The following TDRD12 variants were observed in gnomAD, a reference collection of about 807,000 sequenced individuals.
TDRD12 encodes the protein tudor domain containing 12, also known as putative ATP-dependent RNA helicase TDRD12.
Under a neutral mutation model 133.5 loss-of-function variants are expected in TDRD12, and 158 were observed. The observed-to-expected ratio is 1.18, with a 90% CI of 1.04 to 1.35. TDRD12 has a LOEUF of 1.35. Among genes scored for constraint, TDRD12 ranks in the 40% most tolerant of loss-of-function variants. The pLI is 0.00. For missense variants in TDRD12, 1,443 were observed against 1,321.3 expected (o/e 1.09, Z -1.43); for synonymous variants, 460 against 477.9 (o/e 0.96, Z 0.49).
intron 10 of TDRD12, among the ~76,000 whole-genome samples, chr19:32,776,910 C>T (rs779130564): frequency 8.5e-5 from 13 of 152,066 alleles, no homozygotes; most frequent in Non-Finnish European, 1.6e-4. Context: ...TTTTAAGAGA[C>T]AGGGTCTTGC....
chr19:32,782,335 A>G (rs1369275898), intron 11 of TDRD12, among the ~76,000 whole-genome samples: 1 of 152,148 alleles, frequency 6.6e-6, no homozygotes, highest in Non-Finnish European at 1.5e-5. Context: ...CATGGTGTAT[A>G]TGTGCCACAT....
At chr19:32,807,981 T>G (rs1966884260) in intron 22 of TDRD12, among the ~76,000 whole-genome samples, 1 of 152,188 alleles carries the variant, frequency 6.6e-6, no homozygotes, top group Non-Finnish European at 1.5e-5. Flanking sequence ...CTCATCATTT[T>G]GGGAGACTGA....
chr19:32,807,455 A>C lies in TDRD12; in HGVS notation c.2553-94A>C, dbSNP rs957312927. 1.9e-5 allele frequency: 15 copies of C among 798,616 alleles called. No individual in the cohort carries two copies. The African/African-American group carries it at 2.4e-4, about 13-fold the overall frequency. 49.5% of individuals were successfully genotyped at this position (798,616 alleles called of 1,614,324 possible). A position where few individuals can be genotyped will look rare whatever the true frequency, so the allele number is the denominator to read the frequency against. ...GGGTGTTTGGAATAAAAGTTATCTGATTTAGGTTGCAGATTAATTTTCTGA... is the reference window on the plus strand; with the variant it reads ...GGGTGTTTGGAATAAAAGTTATCTGCTTTAGGTTGCAGATTAATTTTCTGA... On this transcript the variant is annotated intron_variant, in intron 21 of 27. Coordinates refer to ENST00000444215, the Ensembl canonical transcript of TDRD12.
intron 1 of TDRD12, among the ~76,000 whole-genome samples, chr19:32,730,487 G>T (rs1270407797): frequency 1.3e-5 from 2 of 151,962 alleles, no homozygotes; most frequent in East Asian, 1.9e-4. Flanking sequence ...TTTTTCCAGG[G>T]TTTATTATTG....
At chr19:32,812,514 A>C (rs182128045) in intron 24 of TDRD12, among the ~76,000 whole-genome samples, 1 of 152,290 alleles carries the variant, frequency 6.6e-6, no homozygotes, top group Non-Finnish European at 1.5e-5. Context: ...ACACAACCTT[A>C]CTCTTCTAAG....
chr19:32,749,678 G>A, intron 5 of TDRD12, 106 bp from the exon 6 acceptor site: 1 of 788,570 alleles, frequency 1.3e-6, no homozygotes, highest in East Asian at 2.8e-5. Context: ...AAGACATTTG[G>A]GCACTCTTAA....
At chr19:32,744,790 C>T (rs1325335792) in intron 4 of TDRD12, among the ~76,000 whole-genome samples, 1 of 152,120 alleles carries the variant, frequency 6.6e-6, no homozygotes. Context: ...CGGTGCTCCT[C>T]CTCTTCTCCC....
At chr19:32,788,910 A>C (rs543541189) in intron 11 of TDRD12, among the ~76,000 whole-genome samples, 1 of 152,218 alleles carries the variant, frequency 6.6e-6, no homozygotes, top group African/African-American at 2.4e-5. Context: ...CTGGGAGCTG[A>C]GTGGGAGGCA....
exon 21 of TDRD12, chr19:32,803,031 C>T: frequency 1.3e-6 from 2 of 1,535,880 alleles, no homozygotes; most frequent in Non-Finnish European, 1.7e-6. Context: ...CGAGCGGACG[C>T]CAAGGTCCCC....
chr19:32,796,880 T>G (rs373760128), intron 14 of TDRD12, among the ~76,000 whole-genome samples: 1 of 151,970 alleles, frequency 6.6e-6, no homozygotes, highest in South Asian at 2.1e-4. Context: ...CTTCAGTTAC[T>G]GGAGGGTGTG....
chr19:32,727,928 G>A (rs6510283), intron 1 of TDRD12, among the ~76,000 whole-genome samples: 152,231 of 152,304 alleles, frequency 1, 76,080 homozygotes, highest in Middle Eastern at 1. Flanking sequence ...TTGGCCTTCC[G>A]AAGTGCTGGG....
In TDRD12 at chr19:32,734,517, T is replaced by G. The variant is rs1969165608; in HGVS notation, c.183+2634T>G. Among the ~76,000 whole-genome samples, 6 of 151,986 alleles carry G rather than the reference T, an allele frequency of 3.9e-5. No individual in the cohort carries two copies. The South Asian group carries it at 1.3e-3, about 32-fold the overall frequency. On this transcript the variant is annotated intron_variant, in intron 2 of 27. Coordinates refer to ENST00000444215, the Ensembl canonical transcript of TDRD12. ...TCCCAAGTGGCTAGGACTAAAGGCA[T>G]GCACCACCACACCTGGCTAATTTTT... is the stretch of plus-strand genomic sequence containing the variant.
At chr19:32,802,544 A>G (rs1971428879) in intron 19 of TDRD12, 112 bp from the exon 20 acceptor site, 2 of 1,282,008 alleles carry the variant, frequency 1.6e-6, no homozygotes, top group East Asian at 5.2e-5. Context: ...TTTGCATCCA[A>G]AAAAGTAAAA....
intron 11 of TDRD12, among the ~76,000 whole-genome samples, chr19:32,786,470 G>A (rs770048244): frequency 6.6e-6 from 1 of 152,174 alleles, no homozygotes; most frequent in Non-Finnish European, 1.5e-5. Context: ...ATGTTGGCCT[G>A]CCTTGCTAGG....
At chr19:32,790,924 C>T (rs1971051156) in intron 12 of TDRD12, 40 bp from the exon 13 acceptor site, 4 of 1,523,450 alleles carry the variant, frequency 2.6e-6, no homozygotes, top group Non-Finnish European at 3.5e-6. Flanking sequence ...GCTGACGCCT[C>T]AGGGCAGACA....
rs1352492221 is a variant in TDRD12, at chr19:32,807,135, C to T, written c.2553-414C>T. Among the ~76,000 whole-genome samples, 3 of 151,668 alleles carry T rather than the reference C, an allele frequency of 2.0e-5. No individual in the cohort carries two copies. In the East Asian group the frequency reaches 5.8e-4, roughly 29 times the overall value. Reference sequence around the variant, plus strand: ...ATACATTTTGTTCATTTACATAATGCATTTTAGAATGTCTAGAGAAATAGG... The same window carrying T: ...ATACATTTTGTTCATTTACATAATGTATTTTAGAATGTCTAGAGAAATAGG... On this transcript the variant is annotated intron_variant, in intron 21 of 27. Coordinates refer to ENST00000444215, the Ensembl canonical transcript of TDRD12.
rs144124169 is a variant in TDRD12, at chr19:32,782,948, G to A, written c.1121+5719G>A. ...TTATGATGATAGTTTCTTTTGCTGC[G>A]CAGAAGCTCTTTAGTTTAATTAGAT... On this transcript the variant is annotated intron_variant, in intron 11 of 27. Coordinates refer to ENST00000444215, the Ensembl canonical transcript of TDRD12. Among the ~76,000 whole-genome samples, 124 of 152,282 alleles carry A rather than the reference G, an allele frequency of 8.1e-4. 1 individual carries two copies. The highest frequency in any genetic ancestry group is 1.4e-3 in the Non-Finnish European group (95 of 68,028).
intron 8 of TDRD12, among the ~76,000 whole-genome samples, chr19:32,758,736 A>T (rs1030618080): frequency 1.3e-5 from 2 of 152,154 alleles, no homozygotes; most frequent in Non-Finnish European, 2.9e-5. Context: ...GCAGTTCAAG[A>T]CCAGCCTGGC....
At chr19:32,813,732 A>C (rs1485595511) in exon 25 of TDRD12, 1 of 1,535,476 alleles carries the variant, frequency 6.5e-7, no homozygotes, top group South Asian at 1.2e-5. Flanking sequence ...GCATGATGCA[A>C]AAGTGATCCT....
Sources: allele counts gnomAD v4.1 joint callset (sites outside exome capture counted in the v4.1 genomes callset), GRCh38; gene constraint gnomAD v4.1.1; transcripts MANE v1.5; gene names NCBI Gene and HGNC (gene_info 2026-07-23, HGNC 2026-07-21).